ABCC1: variants seen among roughly 807,000 people sequenced by gnomAD.
The protein encoded by ABCC1 is ATP binding cassette subfamily C member 1 (ABCC1 blood group).
In ABCC1, 83 loss-of-function variants were observed where a neutral mutation model predicts 172.9. The ratio of observed to expected loss-of-function variants is 0.48; its 90% CI spans 0.40 to 0.58. The LOEUF (loss-of-function observed/expected upper bound fraction) is 0.58, where lower values mean the gene tolerates loss of function less well. Ranked by LOEUF, ABCC1 falls within the 20% of genes least tolerant of loss-of-function variation. ABCC1 has a pLI of 0.00. For synonymous variants in ABCC1, 937 were observed against 825.2 expected (o/e 1.14, Z -2.32); for missense variants, 1,817 against 2,002.7 (o/e 0.91, Z 1.77).
intron 12 of ABCC1, among the ~76,000 whole-genome samples, chr16:16,065,755 T>C (rs2050088247): frequency 6.6e-6 from 1 of 152,136 alleles, no homozygotes; most frequent in African/African-American, 2.4e-5. Context: ...TTTTAAAAAA[T>C]TTTGTAGAGA....
chr16:16,059,835 C>G (rs749428881), intron 12 of ABCC1, among the ~76,000 whole-genome samples: 1 of 150,192 alleles, frequency 6.7e-6, no homozygotes, highest in Non-Finnish European at 1.5e-5. Flanking sequence ...CCCAGCCCCC[C>G]ACAAAAAAAA....
chr16:16,021,562 C>A (rs975376995), intron 5 of ABCC1, among the ~76,000 whole-genome samples: 1 of 152,086 alleles, frequency 6.6e-6, no homozygotes, highest in South Asian at 2.1e-4. Flanking sequence ...ACTAAAAATA[C>A]AAAAATTAGC....
chr16:15,959,074 C>T (rs2046070283), intron 1 of ABCC1, among the ~76,000 whole-genome samples: 1 of 152,156 alleles, frequency 6.6e-6, no homozygotes, highest in Non-Finnish European at 1.5e-5. Flanking sequence ...GGAGCAAGAC[C>T]TTCCTCCTCA....
chr16:16,042,290 T>C (rs246227), intron 7 of ABCC1, among the ~76,000 whole-genome samples: 31,211 of 151,704 alleles, frequency 0.21, 5,448 homozygotes, highest in African/African-American at 0.47. Context: ...GGTACAGGAA[T>C]GTTCTTAGCT....
chr16:16,048,117 A>G (rs2049290995), intron 9 of ABCC1, 25 bp from the exon 10 acceptor site: 2 of 1,612,962 alleles, frequency 1.2e-6, no homozygotes. Context: ...ACACTCACCC[A>G]CCTTCCCTCT....
intron 17 of ABCC1, 69 bp from the exon 18 acceptor site, chr16:16,086,755 G>A: frequency 1.3e-6 from 2 of 1,564,066 alleles, no homozygotes; most frequent in Non-Finnish European, 1.7e-6. Context: ...ACCACACTCG[G>A]CCTGCTTCTA....
chr16:16,057,839 G>A (rs572903628), intron 12 of ABCC1, among the ~76,000 whole-genome samples: 3 of 152,102 alleles, frequency 2.0e-5, no homozygotes, highest in South Asian at 2.1e-4. Context: ...ACTGTGGTGC[G>A]ATCATAGCTC....
intron 1 of ABCC1, among the ~76,000 whole-genome samples, chr16:15,964,922 G>C (rs1290993903): frequency 3.3e-5 from 5 of 152,112 alleles, no homozygotes; most frequent in Admixed American, 3.3e-4. Flanking sequence ...TCCTTTTTGG[G>C]TATGCCTGGA....
intron 1 of ABCC1, among the ~76,000 whole-genome samples, chr16:16,001,711 A>G (rs1260045600): frequency 1.3e-5 from 2 of 152,302 alleles, no homozygotes; most frequent in South Asian, 2.1e-4. Flanking sequence ...CTACACAGAG[A>G]TATTTTTCAC....
At chr16:16,086,744 C>T in intron 17 of ABCC1, 80 bp from the exon 18 acceptor site, 4 of 1,534,220 alleles carry the variant, frequency 2.6e-6, no homozygotes, top group Non-Finnish European at 3.5e-6. Context: ...TCTGGGATCA[C>T]ACCACACTCG....
At chr16:16,020,699 C>T (rs1040191607) in intron 5 of ABCC1, among the ~76,000 whole-genome samples, 3 of 152,084 alleles carry the variant, frequency 2.0e-5, no homozygotes, top group Non-Finnish European at 2.9e-5. Context: ...TTTTTTGTCC[C>T]CTTTCCATTT....
chr16:16,092,636 G>A (rs1299411791), intron 19 of ABCC1, among the ~76,000 whole-genome samples: 1 of 152,022 alleles, frequency 6.6e-6, no homozygotes, highest in African/African-American at 2.4e-5. Context: ...TGGACATTCA[G>A]GTTTTTTCCA....
chr16:16,013,453 T>G (rs1423978425), intron 3 of ABCC1, among the ~76,000 whole-genome samples: 2 of 151,972 alleles, frequency 1.3e-5, no homozygotes, highest in Non-Finnish European at 2.9e-5. Flanking sequence ...GTATTTTTAG[T>G]AGAGATAGGG....
In ABCC1 at chr16:16,086,918, C is replaced by T; in HGVS notation, c.2387C>T (p.Ser796Leu). Residue 796 changes from serine (S) to leucine (L), a missense_variant, in exon 18 of 31, where the codon TCA becomes TTA. Ser to Leu is a moderately radical substitution (Grantham distance 145). Transcript: ENST00000399410. ...ATTTACCTCTTCGATGATCCCCTCT[C>T]AGCAGTGGATGCCCATGTGGGAAAA... is the stretch of plus-strand genomic sequence containing the variant. ...ADIYLFDDPL[S>L]AVDAHVGKHI... is the part of the protein sequence containing the mutation. 6.2e-7 allele frequency: 1 copy of T among 1,614,250 alleles called. No individual in the cohort carries two copies. The highest frequency in any genetic ancestry group is 1.1e-5 in the South Asian group (1 of 91,092).
chr16:16,006,963 A>G (rs866861475), intron 1 of ABCC1, among the ~76,000 whole-genome samples: 3 of 151,782 alleles, frequency 2.0e-5, no homozygotes, highest in Admixed American at 6.6e-5. Context: ...GGTGGTGGTG[A>G]TGGTCATAGT....
At chr16:16,061,070 C>G (rs1207051324) in intron 12 of ABCC1, among the ~76,000 whole-genome samples, 1 of 151,870 alleles carries the variant, frequency 6.6e-6, no homozygotes, top group East Asian at 1.9e-4. Flanking sequence ...AGTACAGGCG[C>G]ACGCCACCAT....
chr16:16,097,786 A>G (rs544511135), intron 19 of ABCC1, among the ~76,000 whole-genome samples: 1 of 152,182 alleles, frequency 6.6e-6, no homozygotes, highest in Non-Finnish European at 1.5e-5. Flanking sequence ...GCTGTGTGCC[A>G]CAAGGCCACC....
chr16:16,131,416 A>G (rs2045667432), intron 26 of ABCC1, among the ~76,000 whole-genome samples: 1 of 152,120 alleles, frequency 6.6e-6, no homozygotes, highest in African/African-American at 2.4e-5. Flanking sequence ...ATGTGCTCTG[A>G]GCCCTGGGAT....
intron 23 of ABCC1, among the ~76,000 whole-genome samples, chr16:16,117,520 T>A (rs1408833972): frequency 6.6e-6 from 1 of 152,120 alleles, no homozygotes; most frequent in South Asian, 2.1e-4. Flanking sequence ...TACATCTAAT[T>A]GTCCAGAACT....
Sources: allele counts gnomAD v4.1 joint callset (sites outside exome capture counted in the v4.1 genomes callset), GRCh38; gene constraint gnomAD v4.1.1; transcripts MANE v1.5; gene names NCBI Gene and HGNC (gene_info 2026-07-23, HGNC 2026-07-21).